Variants in FMN1 observed in about 807,000 individuals in gnomAD.
The protein encoded by FMN1 is formin-1.
Under a neutral mutation model 132.4 loss-of-function variants are expected in FMN1, and 110 were observed. The ratio of observed to expected loss-of-function variants is 0.83; its 90% confidence interval spans 0.71 to 0.97. The LOEUF is 0.97. FMN1 is among the 50% of genes least tolerant of loss of function. FMN1 has a pLI of 0.00. For synonymous variants in FMN1, 722 were observed against 651.7 expected (o/e 1.11, Z -1.64); for missense variants, 1,792 against 1,705.3 (o/e 1.05, Z -0.90).
intron 6 of FMN1, among the ~76,000 whole-genome samples, chr15:33,032,117 T>C (rs2035965954): frequency 6.6e-6 from 1 of 152,228 alleles, no homozygotes; most frequent in Admixed American, 6.5e-5. Context: ...CCTGACTTAC[T>C]TTCTCTAATC....
chr15:32,842,019 T>C (rs1456151724), intron 17 of FMN1, among the ~76,000 whole-genome samples: 1 of 152,164 alleles, frequency 6.6e-6, no homozygotes. Flanking sequence ...AGCTCTTTCC[T>C]TCCCTGCATG....
rs117861950 is a variant in FMN1, at chr15:33,168,664, G to A, written c.-132+11534C>T. Among the ~76,000 whole-genome samples the A allele has an allele frequency of 6.6e-3, 1,010 of 152,346 alleles. 4 individuals carry two copies. Among genetic ancestry groups the A allele is most frequent in the Non-Finnish European group, 0.01 (699 of 68,034 alleles). ...AAAAAGGGTCAAAGTGTCAAAGTTTGACGTGGTCCTCTTTGTGATTAGGAG... is the reference window on the plus strand; with the variant it reads ...AAAAAGGGTCAAAGTGTCAAAGTTTAACGTGGTCCTCTTTGTGATTAGGAG... On this transcript the variant is annotated intron_variant, in intron 3 of 20. Coordinates refer to ENST00000616417, the MANE Select transcript of FMN1 (RefSeq NM_001277313.2).
chr15:32,973,188 C>T (rs1463857089), intron 7 of FMN1, among the ~76,000 whole-genome samples: 1 of 152,180 alleles, frequency 6.6e-6, no homozygotes, highest in African/African-American at 2.4e-5. Context: ...TACTTGCAGA[C>T]TAACATGAAC....
chr15:32,826,948 T>C (rs1286494149), intron 17 of FMN1, among the ~76,000 whole-genome samples: 2 of 152,218 alleles, frequency 1.3e-5, no homozygotes, highest in South Asian at 2.1e-4. Context: ...AACTGATGCA[T>C]TCATCTTGTT....
chr15:32,803,817 G>A (rs771683254), intron 18 of FMN1, among the ~76,000 whole-genome samples: 3 of 152,204 alleles, frequency 2.0e-5, no homozygotes, highest in Non-Finnish European at 4.4e-5. Flanking sequence ...AGGCAGAATA[G>A]TGTCATGACA....
intron 17 of FMN1, among the ~76,000 whole-genome samples, chr15:32,833,559 C>T (rs1045218297): frequency 4.6e-5 from 7 of 152,246 alleles, no homozygotes; most frequent in South Asian, 2.1e-4. Flanking sequence ...CTCAAGTCCC[C>T]GGCCCAAAAG....
intron 7 of FMN1, among the ~76,000 whole-genome samples, chr15:32,988,049 GTT>G (rs10573409): frequency 0.047 from 5,622 of 118,378 alleles, 95 homozygotes; most frequent in African/African-American, 0.099. Flanking sequence ...TGTCTCTCCA[GTT>G]TTTTTTTTTT....
At chr15:32,986,494 T>G (rs1426575964) in intron 7 of FMN1, among the ~76,000 whole-genome samples, 1 of 152,158 alleles carries the variant, frequency 6.6e-6, no homozygotes. Context: ...ATCTCTTCTT[T>G]GTGTAAACAT....
intron 6 of FMN1, chr15:33,012,746 G>C: frequency 1.3e-6 from 1 of 744,210 alleles, no homozygotes; most frequent in Non-Finnish European, 2.5e-6. Flanking sequence ...GGTGGTTTTG[G>C]TGGGAACGAC....
At chr15:32,991,109 C>G (rs1285803008) in intron 7 of FMN1, among the ~76,000 whole-genome samples, 1 of 152,126 alleles carries the variant, frequency 6.6e-6, no homozygotes, top group Non-Finnish European at 1.5e-5. Flanking sequence ...TTTTCCTATG[C>G]ATAAGGCCAA....
intron 4 of FMN1, among the ~76,000 whole-genome samples, chr15:33,102,128 G>A (rs1355916084): frequency 6.6e-6 from 1 of 152,046 alleles, no homozygotes; most frequent in Non-Finnish European, 1.5e-5. Flanking sequence ...GTGACGCTCC[G>A]TTATGTGCTA....
Position 32,809,117 on chromosome 15 carries a change from G to A in FMN1, c.3929-4785C>T, listed in dbSNP as rs1159423093. ...CATGGGGGTGGATGTGAGGGGAGAG[G>A]TACTTAATGATTACTCTCACCTGTT... is the stretch of plus-strand genomic sequence containing the variant. On this transcript the variant is annotated intron_variant, in intron 17 of 20. Coordinates refer to ENST00000616417, the MANE Select transcript of FMN1 (RefSeq NM_001277313.2). Among the ~76,000 whole-genome samples the A allele has an allele frequency of 3.9e-5, 6 of 152,136 alleles. No homozygotes were observed. The East Asian group carries it at 1.2e-3, about 29-fold the overall frequency.
chr15:32,875,921 T>TG (rs2059626060), intron 16 of FMN1, among the ~76,000 whole-genome samples: 2 of 152,230 alleles, frequency 1.3e-5, no homozygotes, highest in Non-Finnish European at 2.9e-5. Flanking sequence ...TGTGCCTGGC[T>TG]GGGTGATCCC....
At chr15:33,077,561 A>AAGG (rs2038267679) in intron 5 of FMN1, among the ~76,000 whole-genome samples, 1 of 150,612 alleles carries the variant, frequency 6.6e-6, no homozygotes, top group African/African-American at 2.4e-5. Context: ...TCCCCTTCCT[A>AAGG]TGTCCATGTG....
intron 4 of FMN1, among the ~76,000 whole-genome samples, chr15:33,096,716 C>T (rs1252269236): frequency 6.6e-6 from 1 of 151,976 alleles, no homozygotes; most frequent in East Asian, 1.9e-4. Flanking sequence ...AAGTGATCTT[C>T]CCACCTCAGC....
At chr15:32,930,839 T>C (rs2061097511) in intron 9 of FMN1, among the ~76,000 whole-genome samples, 1 of 152,172 alleles carries the variant, frequency 6.6e-6, no homozygotes, top group Admixed American at 6.5e-5. Flanking sequence ...CACATTTAAG[T>C]TTCTAATCTA....
intron 18 of FMN1, among the ~76,000 whole-genome samples, chr15:32,800,263 A>T (rs772376592): frequency 6.6e-6 from 1 of 152,232 alleles, no homozygotes; most frequent in Non-Finnish European, 1.5e-5. Flanking sequence ...AATTAAAACT[A>T]CTGGTCAGGG....
At chr15:33,145,118 T>C (rs1218640596) in intron 4 of FMN1, among the ~76,000 whole-genome samples, 4 of 152,180 alleles carry the variant, frequency 2.6e-5, no homozygotes, top group South Asian at 4.2e-4. Context: ...ATTCTAGAAA[T>C]CATGTGTGCT....
At chr15:32,960,096 T>C (rs1229498142) in intron 9 of FMN1, among the ~76,000 whole-genome samples, 1 of 152,214 alleles carries the variant, frequency 6.6e-6, no homozygotes, top group Non-Finnish European at 1.5e-5. Context: ...CTTACCTCCA[T>C]CTCATATGAA....
Sources: allele counts gnomAD v4.1 joint callset (sites outside exome capture counted in the v4.1 genomes callset), GRCh38; gene constraint gnomAD v4.1.1; transcripts MANE v1.5; gene names NCBI Gene and HGNC (gene_info 2026-07-23, HGNC 2026-07-21).